YEATS2: variants seen among roughly 807,000 people sequenced by gnomAD.
The protein encoded by YEATS2 is YEATS domain containing 2, also known as YEATS domain-containing protein 2.
YEATS2 carries 77 observed loss-of-function variants against 163.2 expected under a neutral mutation model. That is an observed-to-expected ratio of 0.47 (90% confidence interval 0.39 to 0.57). The LOEUF (loss-of-function observed/expected upper bound fraction) is 0.57, where lower values mean the gene tolerates loss of function less well. YEATS2 is among the 20% of genes least tolerant of loss of function. The probability of loss-of-function intolerance (pLI) is 0.00; values close to 1 mark genes in which losing one functional copy is unlikely to be tolerated. For synonymous variants in YEATS2, 631 were observed against 645.1 expected, an observed-to-expected ratio of 0.98 and a Z score of 0.33; for missense variants, 1,549 against 1,729.8, an observed-to-expected ratio of 0.90 and a Z score of 1.85.
intron 19 of YEATS2, among the ~76,000 whole-genome samples, chr3:183,783,371 G>A (rs116887895): frequency 6.6e-6 from 1 of 152,178 alleles, no homozygotes; most frequent in African/African-American, 2.4e-5. Flanking sequence ...TACAGCCAAG[G>A]CTTCCTGTTT....
At chr3:183,742,850 A>C (rs941608880) in intron 8 of YEATS2, among the ~76,000 whole-genome samples, 1 of 152,204 alleles carries the variant, frequency 6.6e-6, no homozygotes, top group Non-Finnish European at 1.5e-5. Context: ...TGTTTTAAGA[A>C]ATTGCCGTAG....
chr3:183,797,740 C>T (rs989051169), intron 21 of YEATS2, among the ~76,000 whole-genome samples, 183 bp from the exon 22 acceptor site: 2 of 152,138 alleles, frequency 1.3e-5, no homozygotes, highest in African/African-American at 4.8e-5. Flanking sequence ...CAATTATTGT[C>T]ATGCCGATGT....
Position 183,736,916 on chromosome 3 carries a change from C to A in YEATS2, c.924+87C>A, listed in dbSNP as rs188101761. The A allele has an allele frequency of 9.3e-5, 110 of 1,180,748 alleles. No homozygotes were observed. The East Asian group carries it at 1.6e-3, about 18-fold the overall frequency. 73.1% of individuals were successfully genotyped at this position (1,180,748 alleles called of 1,614,324 possible). A position where few individuals can be genotyped will look rare whatever the true frequency, so the allele number is the denominator to read the frequency against. ...CTTGAATAGCATGGCGGTTAAGGAC[C>A]CCCTCGCATTAAAAAATTCACATAC... On this transcript the variant is annotated intron_variant, in intron 8 of 30. Transcript: ENST00000305135.
rs574608170 is a variant in YEATS2, at chr3:183,806,092, G to T, written c.3785-774G>T. 6.5e-5 allele frequency: 23 copies of T among 354,006 alleles called. No homozygotes were observed. The East Asian group carries it at 1.7e-3, about 27-fold the overall frequency. 21.9% of individuals were successfully genotyped at this position (354,006 alleles called of 1,614,324 possible). ...GATTTGATGTTGTGACTTTACAATGGTCTGAAAGCTGTAGGCATCAGCACA... is the reference window on the plus strand; with the variant it reads ...GATTTGATGTTGTGACTTTACAATGTTCTGAAAGCTGTAGGCATCAGCACA... On this transcript the variant is annotated intron_variant, in intron 27 of 30. Transcript: ENST00000305135.
Position 183,776,046 on chromosome 3 carries a change from A to G in YEATS2, c.2500A>G (p.Thr834Ala). Reference protein sequence around the residue: ...GGGGGTAGGGTQSTAGPGGIS... With the variant: ...GGGGGTAGGGAQSTAGPGGIS... ...AGGAGGAGGAACAGCAGGAGGAGGA[A>G]CTCAAAGTACTGCTGGCCCTGGAGG... is the stretch of plus-strand genomic sequence containing the variant. The change falls in exon 18 of 31, where the codon ACT (threonine) becomes GCT (alanine). Residue 834 changes from threonine to alanine, a missense_variant. Physicochemically the swap from Thr to Ala is moderately conservative, Grantham distance 58 (BLOSUM62 0). Coordinates refer to ENST00000305135, the MANE Select transcript of YEATS2 (RefSeq NM_018023.5). 1 of 1,612,894 alleles carries G rather than the reference A, an allele frequency of 6.2e-7. No individual in the cohort carries two copies. The highest frequency in any genetic ancestry group is 8.5e-7 in the Non-Finnish European group (1 of 1,179,366).
rs896876516 is a variant in YEATS2 at position 183,754,332 on chromosome 3, C to A, written c.1357C>A (p.Gln453Lys). Residue 453 changes from glutamine (Q) to lysine (K), a missense_variant, in exon 11 of 31, where the codon CAG (glutamine) becomes AAG (lysine). Physicochemically the swap from Gln to Lys is moderately conservative, Grantham distance 53. Coordinates refer to ENST00000305135, the MANE Select transcript of YEATS2 (RefSeq NM_018023.5). ...PNPESPGKSFQPITMSCKIVS... is the reference protein window; with the variant it reads ...PNPESPGKSFKPITMSCKIVS... Reference sequence around the variant, plus strand: ...TCCTGAGTCACCTGGAAAATCCTTCCAGCCCATCACCATGAGCTGCAAGAT... The same window carrying A: ...TCCTGAGTCACCTGGAAAATCCTTCAAGCCCATCACCATGAGCTGCAAGAT... 5 of 1,613,894 alleles carry A rather than the reference C, an allele frequency of 3.1e-6. No individual in the cohort carries two copies. In the Admixed American group the frequency reaches 5.0e-5, roughly 16 times the overall value.
intron 19 of YEATS2, among the ~76,000 whole-genome samples, chr3:183,781,545 C>G (rs982408065): frequency 6.6e-6 from 1 of 152,150 alleles, no homozygotes; most frequent in Non-Finnish European, 1.5e-5. Flanking sequence ...TCAGCCCACT[C>G]AAGTTGACAT....
At chr3:183,720,703 A>G (rs1190341927) in intron 4 of YEATS2, among the ~76,000 whole-genome samples, 1 of 152,138 alleles carries the variant, frequency 6.6e-6, no homozygotes, top group Non-Finnish European at 1.5e-5. Context: ...ACCATAACAA[A>G]TTACCTACCA....
chr3:183,706,757 C>T (rs936329582), intron 1 of YEATS2, among the ~76,000 whole-genome samples: 2 of 152,012 alleles, frequency 1.3e-5, no homozygotes, highest in African/African-American at 2.4e-5. Context: ...CGGAGGTTGC[C>T]GCGAGCTGAG....
intron 10 of YEATS2, 145 bp downstream of exon 10, chr3:183,752,398 A>G (rs550444482): frequency 1.9e-6 from 2 of 1,035,982 alleles, no homozygotes; most frequent in African/African-American, 1.6e-5. Flanking sequence ...ATGAAAGCCA[A>G]ATTTCCACTC....
intron 1 of YEATS2, among the ~76,000 whole-genome samples, chr3:183,706,674 G>A (rs144458209): frequency 1.3e-4 from 20 of 152,288 alleles, no homozygotes; most frequent in African/African-American, 4.1e-4. Flanking sequence ...AAATTAGCCC[G>A]GCGCGGTGGC....
At chr3:183,745,833 TTTTG>T (rs901541190) in intron 8 of YEATS2, among the ~76,000 whole-genome samples, 7 of 152,018 alleles carry the variant, frequency 4.6e-5, no homozygotes, top group African/African-American at 7.2e-5. Flanking sequence ...CTTTTTTCTG[TTTTG>T]TTTGTTTGTT....
rs1392817035 is a variant in YEATS2 at position 183,786,261 on chromosome 3, C to T, written c.2873C>T (p.Ser958Phe). 6.2e-7 allele frequency: 1 copy of T among 1,614,026 alleles called. No individual in the cohort carries two copies. The highest frequency in any genetic ancestry group is 1.7e-5 in the Admixed American group (1 of 60,004). ...VAGGVITTAT[S>F]PAVALSANGP... ...GGAGGGGTTATCACAACTGCCACTTCCCCTGCCGTGGCCCTCTCAGCAAAC... is the reference window on the plus strand; with the variant it reads ...GGAGGGGTTATCACAACTGCCACTTTCCCTGCCGTGGCCCTCTCAGCAAAC... Residue 958 changes from serine to phenylalanine, a missense_variant, in exon 20 of 31, where the codon TCC (serine) becomes TTC (phenylalanine). Transcript: ENST00000305135.
rs370080983 is a variant in YEATS2 at position 183,790,993 on chromosome 3, G to A, written c.3097+13G>A. 17 of 1,607,460 alleles carry A rather than the reference G, an allele frequency of 1.1e-5. No homozygotes were observed. In the African/African-American group the frequency reaches 2.3e-4, roughly 22 times the overall value. ...GCCACAGTATCCGGTGAGTTGCATT[G>A]TGATATTATTTCTCTCTCTTTTCTC... On this transcript the variant is annotated intron_variant, in intron 21 of 30. Coordinates refer to ENST00000305135, the MANE Select transcript of YEATS2 (RefSeq NM_018023.5).
chr3:183,781,282 C>T (rs1268346933), intron 19 of YEATS2, among the ~76,000 whole-genome samples: 5 of 152,120 alleles, frequency 3.3e-5, no homozygotes, highest in Non-Finnish European at 7.4e-5. Flanking sequence ...GTGAGGGGCA[C>T]ACTGGCATTA....
intron 6 of YEATS2, 150 bp from the exon 7 acceptor site, chr3:183,728,540 T>C (rs1200919903): frequency 7.4e-6 from 5 of 671,724 alleles, no homozygotes; most frequent in Non-Finnish European, 1.2e-5. Context: ...ATGATTAACT[T>C]GCAAAGACTC....
intron 15 of YEATS2, among the ~76,000 whole-genome samples, chr3:183,764,590 G>A (rs779957484): frequency 1.3e-5 from 2 of 151,932 alleles, no homozygotes; most frequent in East Asian, 1.9e-4. Context: ...CGGGTGGATC[G>A]CCTGAGGTCA....
At chr3:183,702,759 G>C (rs988938169) in intron 1 of YEATS2, among the ~76,000 whole-genome samples, 1 of 151,682 alleles carries the variant, frequency 6.6e-6, no homozygotes, top group African/African-American at 2.4e-5. Flanking sequence ...TCTTGAACCC[G>C]GGAGGCGGAG....
At chr3:183,746,254 A>G (rs952137449) in intron 8 of YEATS2, among the ~76,000 whole-genome samples, 2 of 152,112 alleles carry the variant, frequency 1.3e-5, no homozygotes, top group African/African-American at 4.8e-5. Flanking sequence ...GGCTTTTGCC[A>G]TGTTGTCCAG....
Sources: gnomAD v4.1 joint callset for allele counts (sites outside exome capture counted in the v4.1 genomes callset) on GRCh38, gnomAD v4.1.1 for gene constraint, MANE v1.5 for transcripts, NCBI Gene and HGNC (gene_info 2026-07-23, HGNC 2026-07-21) for gene names.